Variants in TMEM232 observed in about 807,000 individuals in gnomAD.
TMEM232 encodes transmembrane protein 232.
Under a neutral mutation model 78.8 loss-of-function variants are expected in TMEM232, and 80 were observed. The observed-to-expected ratio is 1.01, with a 90% CI of 0.85 to 1.22. The LOEUF (loss-of-function observed/expected upper bound fraction) is 1.22, where lower values mean the gene tolerates loss of function less well. TMEM232 is among the 50% of genes most tolerant of loss of function. The pLI is 0.00. For missense variants in TMEM232, 881 were observed against 742.2 expected (o/e 1.19, Z -2.17); for synonymous variants, 297 against 254.3 (o/e 1.17, Z -1.60).
Position 110,646,964 on chromosome 5 carries a change from T to C in TMEM232, c.126-4593A>G, listed in dbSNP as rs549110890. ...GTTTTTTTTTCTTCTTCTTCTTCTT[T>C]TTTCAACTATTTTAAATTATCAGAA... On this transcript the variant is annotated intron_variant, in intron 2 of 13. Coordinates refer to ENST00000455884, the MANE Select transcript of TMEM232 (RefSeq NM_001039763.4). 1.4e-3 allele frequency among the ~76,000 whole-genome samples: 207 copies of C among 151,868 alleles called. 1 individual carries two copies. The highest frequency in any genetic ancestry group is 4.8e-3 in the African/African-American group (201 of 41,514).
intron 3 of TMEM232, among the ~76,000 whole-genome samples, chr5:110,641,933 A>C (rs1786780672): frequency 6.6e-6 from 1 of 152,178 alleles, no homozygotes; most frequent in South Asian, 2.1e-4. Context: ...ATAAAGGTTT[A>C]GAAAGGCCTT....
chr5:110,396,689 G>C (rs1755403160), intron 3 of TMEM232, among the ~76,000 whole-genome samples: 1 of 152,090 alleles, frequency 6.6e-6, no homozygotes. Context: ...ATTTCTCCAG[G>C]CTACAAATTT....
At chr5:110,509,866 A>G (rs531037756) in intron 12 of TMEM232, among the ~76,000 whole-genome samples, 2 of 152,188 alleles carry the variant, frequency 1.3e-5, no homozygotes, top group South Asian at 4.1e-4. Flanking sequence ...CCTTGAAATC[A>G]ACATCTCCAT....
At chr5:110,662,600 T>C (rs1291455238) in intron 2 of TMEM232, among the ~76,000 whole-genome samples, 3 of 151,898 alleles carry the variant, frequency 2.0e-5, no homozygotes, top group South Asian at 2.1e-4. Context: ...TACCAAACCA[T>C]AGTAATTAAG....
chr5:110,631,564 G>T (rs912431580), intron 5 of TMEM232, among the ~76,000 whole-genome samples: 1 of 152,142 alleles, frequency 6.6e-6, no homozygotes, highest in African/African-American at 2.4e-5. Flanking sequence ...GCTGCCACTG[G>T]AGGCTAGGGC....
At chr5:110,573,879 G>A (rs560977876) in intron 10 of TMEM232, among the ~76,000 whole-genome samples, 4 of 152,098 alleles carry the variant, frequency 2.6e-5, no homozygotes, top group Admixed American at 1.3e-4. Context: ...AATACAGAAC[G>A]AATGTATTAC....
At chr5:110,670,758 A>G (rs1791250416) in intron 1 of TMEM232, among the ~76,000 whole-genome samples, 1 of 152,144 alleles carries the variant, frequency 6.6e-6, no homozygotes, top group Non-Finnish European at 1.5e-5. Context: ...TTAACAGCTA[A>G]CAACATCACT....
intron 10 of TMEM232, among the ~76,000 whole-genome samples, chr5:110,591,601 G>C (rs893336728): frequency 6.6e-6 from 1 of 152,038 alleles, no homozygotes; most frequent in Non-Finnish European, 1.5e-5. Flanking sequence ...GCGTCTGTAT[G>C]TTTCCATAGT....
At chr5:110,520,293 T>C (rs1202586342) in intron 12 of TMEM232, among the ~76,000 whole-genome samples, 1 of 152,032 alleles carries the variant, frequency 6.6e-6, no homozygotes, top group Non-Finnish European at 1.5e-5. Context: ...TATGTACAGC[T>C]AGTATGTATT....
At chr5:110,426,023 C>T (rs1349969552) in intron 12 of TMEM232, among the ~76,000 whole-genome samples, 3 of 152,014 alleles carry the variant, frequency 2.0e-5, no homozygotes, top group Non-Finnish European at 4.4e-5. Context: ...GTCTATGCAT[C>T]CCTAATGCAC....
chr5:110,398,939 G>C (rs986696287), intron 2 of TMEM232, among the ~76,000 whole-genome samples: 2 of 152,128 alleles, frequency 1.3e-5, no homozygotes, highest in African/African-American at 4.8e-5. Flanking sequence ...GGCAGAAGTA[G>C]CAGCATCTTT....
At chr5:110,503,562 T>C (rs750241182) in intron 12 of TMEM232, among the ~76,000 whole-genome samples, 2 of 152,160 alleles carry the variant, frequency 1.3e-5, no homozygotes, top group Non-Finnish European at 2.9e-5. Context: ...AAAATGTTTA[T>C]CATTATGAAC....
intron 1 of TMEM232, among the ~76,000 whole-genome samples, chr5:110,712,060 A>G (rs1196507327): frequency 2.0e-5 from 3 of 146,826 alleles, no homozygotes; most frequent in African/African-American, 7.6e-5. Context: ...AGAGATCGTG[A>G]CACTGCACTC....
chr5:110,432,907 A>G lies in TMEM232; in HGVS notation c.1704-7991T>C, dbSNP rs113825879. On this transcript the variant is annotated intron_variant, in intron 12 of 13. Coordinates refer to ENST00000455884, the MANE Select transcript of TMEM232 (RefSeq NM_001039763.4). ...TGACAAAAAAGCATGACATAATGATAAAGGGTTCAATTCAACAAGAAGACT... is the reference window on the plus strand; with the variant it reads ...TGACAAAAAAGCATGACATAATGATGAAGGGTTCAATTCAACAAGAAGACT... Among the ~76,000 whole-genome samples, 298 of 151,898 alleles carry G rather than the reference A, an allele frequency of 2.0e-3. 1 individual carries two copies. The highest frequency in any genetic ancestry group is 6.6e-3 in the African/African-American group (275 of 41,512).
chr5:110,606,756 T>A (rs1289729147), intron 8 of TMEM232, among the ~76,000 whole-genome samples: 1 of 152,008 alleles, frequency 6.6e-6, no homozygotes, highest in African/African-American at 2.4e-5. Context: ...TTGGAAAAAG[T>A]AAAATTTCTC....
chr5:110,433,651 A>T (rs1758097558), intron 12 of TMEM232, among the ~76,000 whole-genome samples: 1 of 152,002 alleles, frequency 6.6e-6, no homozygotes, highest in Admixed American at 6.6e-5. Flanking sequence ...TGTTCCTTTG[A>T]TGCTTAGTTT....
At chr5:110,529,555 C>A (rs1221825891) in intron 11 of TMEM232, among the ~76,000 whole-genome samples, 1 of 152,030 alleles carries the variant, frequency 6.6e-6, no homozygotes, top group Non-Finnish European at 1.5e-5. Flanking sequence ...CCAAACAGAA[C>A]ATTTTTATAG....
At chr5:110,675,126 A>G (rs1026805765) in intron 1 of TMEM232, among the ~76,000 whole-genome samples, 5 of 151,958 alleles carry the variant, frequency 3.3e-5, no homozygotes, top group Non-Finnish European at 5.9e-5. Context: ...GCTCACTGCA[A>G]CCTCCACCTC....
intron 12 of TMEM232, among the ~76,000 whole-genome samples, chr5:110,464,008 G>A (rs1362003694): frequency 6.6e-6 from 1 of 152,048 alleles, no homozygotes; most frequent in Non-Finnish European, 1.5e-5. Context: ...TTATCATATG[G>A]GTCTTAGCTC....
Sources: allele counts gnomAD v4.1 joint callset (sites outside exome capture counted in the v4.1 genomes callset), GRCh38; gene constraint gnomAD v4.1.1; transcripts MANE v1.5; gene names NCBI Gene and HGNC (gene_info 2026-07-23, HGNC 2026-07-21).